The following DTX4 variants were observed in gnomAD, a reference collection of about 807,000 sequenced individuals.
The protein encoded by DTX4 is deltex E3 ubiquitin ligase 4.
Under a neutral mutation model 57.6 loss-of-function variants are expected in DTX4, and 28 were observed. That is an observed-to-expected ratio of 0.49 (90% confidence interval 0.36 to 0.67). The LOEUF (loss-of-function observed/expected upper bound fraction) is 0.67. DTX4 is among the 30% of genes least tolerant of loss of function. The pLI, the probability that DTX4 is intolerant of heterozygous loss-of-function variation, is 0.00. For synonymous variants in DTX4, 316 were observed against 331.0 expected, an observed-to-expected ratio of 0.95 and a Z score of 0.49; for missense variants, 715 against 836.8, an observed-to-expected ratio of 0.85 and a Z score of 1.80.
chr11:59,201,115 A>C (rs909529150), intron 8 of DTX4, among the ~76,000 whole-genome samples: 17 of 152,160 alleles, frequency 1.1e-4, no homozygotes, highest in Non-Finnish European at 2.9e-5. Context: ...ATATGAACCC[A>C]TCCTGGTTTG....
chr11:59,172,621 T>G lies in DTX4; in HGVS notation c.26T>G (p.Val9Gly). 1 of 1,573,454 alleles carries G rather than the reference T, an allele frequency of 6.4e-7. No homozygotes were observed. Among genetic ancestry groups the G allele is most frequent in the Non-Finnish European group, 8.6e-7 (1 of 1,167,240 alleles). The change falls in exon 1 of 9, where the codon GTC (valine) becomes GGC (glycine). Residue 9 changes from valine to glycine, a missense_variant. Val to Gly is a moderately radical substitution (Grantham distance 109, BLOSUM62 -3). Transcript: ENST00000227451. MLLASAVV[V>G]WEWLNEHGRW... ...ATGCTCCTGGCCTCGGCCGTGGTGG[T>G]CTGGGAATGGCTGAACGAGCACGGC...
At chr11:59,184,801 A>T (rs1862507801) in intron 2 of DTX4, among the ~76,000 whole-genome samples, 1 of 152,132 alleles carries the variant, frequency 6.6e-6, no homozygotes, top group Non-Finnish European at 1.5e-5. Context: ...TGTTTTCCTG[A>T]TGAGGGAGGC....
At chr11:59,175,961 C>T (rs1433293690) in intron 1 of DTX4, among the ~76,000 whole-genome samples, 4 of 151,680 alleles carry the variant, frequency 2.6e-5, no homozygotes, top group Non-Finnish European at 4.4e-5. Flanking sequence ...TTTCTTTCCT[C>T]CCATCATGCA....
chr11:59,177,003 C>T (rs1013140343), intron 1 of DTX4, among the ~76,000 whole-genome samples: 2 of 152,184 alleles, frequency 1.3e-5, no homozygotes, highest in Non-Finnish European at 2.9e-5. Flanking sequence ...CTATCTCTGA[C>T]TCTCTGTAGC....
At chr11:59,195,900 A>G (rs192471508) in intron 7 of DTX4, among the ~76,000 whole-genome samples, 37 of 152,352 alleles carry the variant, frequency 2.4e-4, no homozygotes, top group Admixed American at 2.4e-3. Context: ...TTCTTTGTCA[A>G]ACGGTATTTG....
Position 59,182,202 on chromosome 11 carries a change from A to G in DTX4, c.675A>G (p.Gly225=). ...CCCGCAAGAACATGCCGCCTCCTGG[A>G]GTGGTCAAGCTACCCCCACTGCCAG... ...PVTRKNMPPP[G]VVKLPPLPGS... Residue 225 remains glycine (G), a synonymous_variant, in exon 2 of 9, where the codon GGA becomes GGG. Transcript: ENST00000227451. The G allele has an allele frequency of 6.2e-7, 1 of 1,611,208 alleles. No individual in the cohort carries two copies. Among genetic ancestry groups the G allele is most frequent in the Non-Finnish European group, 8.5e-7 (1 of 1,178,684 alleles).
chr11:59,174,405 G>T (rs887644959), intron 1 of DTX4, among the ~76,000 whole-genome samples: 4 of 151,714 alleles, frequency 2.6e-5, no homozygotes, highest in Non-Finnish European at 5.9e-5. Context: ...GAGGGTGGAG[G>T]GGGTGTGTGT....
rs1307309123 is a variant in DTX4, at chr11:59,206,181, C to G, written c.*1272C>G. The G allele has an allele frequency of 6.6e-6, 1 of 152,254 alleles. No individual in the cohort carries two copies. The highest frequency in any genetic ancestry group is 1.5e-5 in the Non-Finnish European group (1 of 68,056). 9.4% of individuals were successfully genotyped at this position (152,254 alleles called of 1,614,324 possible). On this transcript the variant is annotated 3_prime_UTR_variant, in exon 9 of 9. Transcript: ENST00000227451. ...ATTTGCTAATCAGAGCCCAGAGCTGCTGGGTCCCTCATCTCCCTCATCTAT... is the reference window on the plus strand; with the variant it reads ...ATTTGCTAATCAGAGCCCAGAGCTGGTGGGTCCCTCATCTCCCTCATCTAT...
chr11:59,192,943 GCATTTCCTAAGT>G (rs1472918228), intron 6 of DTX4, among the ~76,000 whole-genome samples: 1 of 152,190 alleles, frequency 6.6e-6, no homozygotes, highest in African/African-American at 2.4e-5. Flanking sequence ...CAGTGTCTGA[GCATTTCCTAAGT>G]CATTGACTCA....
chr11:59,182,986 T>C (rs1862485633), intron 2 of DTX4, among the ~76,000 whole-genome samples: 1 of 152,188 alleles, frequency 6.6e-6, no homozygotes, highest in Non-Finnish European at 1.5e-5. Flanking sequence ...TTAATTGAAC[T>C]CCCACTATAT....
At chr11:59,191,874 T>C (rs1862603345) in intron 5 of DTX4, among the ~76,000 whole-genome samples, 1 of 152,222 alleles carries the variant, frequency 6.6e-6, no homozygotes, top group Admixed American at 6.5e-5. Flanking sequence ...ACGATTATGA[T>C]AATTTAGATG....
intron 2 of DTX4, among the ~76,000 whole-genome samples, chr11:59,188,502 C>T (rs901759150): frequency 3.3e-5 from 5 of 152,172 alleles, no homozygotes; most frequent in East Asian, 1.9e-4. Context: ...GTTGGCAGAT[C>T]GTGCTGGGCT....
chr11:59,189,784 G>A (rs577768813), intron 4 of DTX4, among the ~76,000 whole-genome samples: 23 of 152,296 alleles, frequency 1.5e-4, no homozygotes, highest in Admixed American at 5.9e-4. Flanking sequence ...TTAGGAAGTA[G>A]TCCCTGTCCT....
chr11:59,181,594 C>T, intron 1 of DTX4, 145 bp from the exon 2 acceptor site: 3 of 1,158,788 alleles, frequency 2.6e-6, no homozygotes, highest in Non-Finnish European at 3.6e-6. Flanking sequence ...TCATTCAAAG[C>T]TGGCACTTCA....
chr11:59,176,847 T>A (rs142984364), intron 1 of DTX4, among the ~76,000 whole-genome samples: 1 of 152,342 alleles, frequency 6.6e-6, no homozygotes, highest in Non-Finnish European at 1.5e-5. Context: ...TTCCTTGGGT[T>A]ACTTCACAGA....
rs1862558684 is a variant in DTX4 at position 59,188,745 on chromosome 11, G to A, written c.946G>A (p.Val316Ile). Reference sequence around the variant, plus strand: ...TCTTTCCTTTCACAGGGTCCCCACAGTCCCAGTGAAGAACCTAAATGGGTC... The same window carrying A: ...TCTTTCCTTTCACAGGGTCCCCACAATCCCAGTGAAGAACCTAAATGGGTC... Reference protein sequence around the residue: ...RVLIASGVPTVPVKNLNGSSP... With the variant: ...RVLIASGVPTIPVKNLNGSSP... Residue 316 changes from valine to isoleucine, a missense_variant, in exon 3 of 9, where the codon GTC (valine) becomes ATC (isoleucine). Physicochemically the swap from Val to Ile is conservative, Grantham distance 29. Coordinates refer to ENST00000227451, the MANE Select transcript of DTX4 (RefSeq NM_015177.2). 1.9e-6 allele frequency: 3 copies of A among 1,613,822 alleles called. No individual in the cohort carries two copies. Among genetic ancestry groups the A allele is most frequent in the African/African-American group, 2.7e-5 (2 of 74,924 alleles).
chr11:59,181,703 G>C, intron 1 of DTX4, 36 bp from the exon 2 acceptor site: 1 of 1,553,286 alleles, frequency 6.4e-7, no homozygotes, highest in Non-Finnish European at 8.7e-7. Context: ...GTAATTGCAT[G>C]CTGACTCTGA....
At chr11:59,189,079 T>C in intron 3 of DTX4, 83 bp from the exon 4 acceptor site, 1 of 1,504,886 alleles carries the variant, frequency 6.6e-7, no homozygotes, top group South Asian at 1.2e-5. Flanking sequence ...AGGAGGAGAG[T>C]AGGTTAATGG....
rs1438387472 is a variant in DTX4, at chr11:59,182,012, C to T, written c.485C>T (p.Pro162Leu). 1 of 1,613,832 alleles carries T rather than the reference C, an allele frequency of 6.2e-7. No individual in the cohort carries two copies. Among genetic ancestry groups the T allele is most frequent in the Non-Finnish European group, 8.5e-7 (1 of 1,179,826 alleles). ...RVRRRLDLIYPMVTGTLPKAQ... is the reference protein window; with the variant it reads ...RVRRRLDLIYLMVTGTLPKAQ... ...CGCCGGCGCCTCGACCTCATCTACC[C>T]CATGGTCACAGGGACCTTGCCTAAG... The change falls in exon 2 of 9, where the codon CCC (proline) becomes CTC (leucine). Residue 162 changes from proline to leucine, a missense_variant. Physicochemically the swap from Pro to Leu is moderately conservative, Grantham distance 98. Coordinates refer to ENST00000227451, the MANE Select transcript of DTX4 (RefSeq NM_015177.2).
Sources: gnomAD v4.1 joint callset for allele counts (sites outside exome capture counted in the v4.1 genomes callset) on GRCh38, gnomAD v4.1.1 for gene constraint, MANE v1.5 for transcripts, NCBI Gene and HGNC (gene_info 2026-07-23, HGNC 2026-07-21) for gene names.